TRAK2: variants seen among roughly 807,000 people sequenced by gnomAD.
The protein encoded by TRAK2 is trafficking kinesin protein 2.
In TRAK2, 81 loss-of-function variants were observed where a neutral mutation model predicts 104.6. The ratio of observed to expected loss-of-function variants is 0.77; its 90% CI spans 0.65 to 0.93. The LOEUF (loss-of-function observed/expected upper bound fraction) is 0.93. Among genes scored for constraint, TRAK2 ranks in the 40% least tolerant of loss-of-function variants. The probability of loss-of-function intolerance (pLI) is 0.00; values close to 1 mark genes in which losing one functional copy is unlikely to be tolerated. For missense variants in TRAK2, 1,002 were observed against 1,089.0 expected (o/e 0.92, Z 1.12); for synonymous variants, 406 against 394.4 (o/e 1.03, Z -0.35).
chr2:201,443,224 G>C (rs1264862818), intron 1 of TRAK2, among the ~76,000 whole-genome samples: 2 of 151,998 alleles, frequency 1.3e-5, no homozygotes, highest in Non-Finnish European at 2.9e-5. Context: ...ACTACAACCT[G>C]ATTTCATCCT....
chr2:201,387,904 CACTT>C lies in TRAK2; in HGVS notation c.1491_1494del (p.Ser498ArgfsTer112). 1.2e-6 allele frequency: 2 copies of C among 1,614,162 alleles called. No individual in the cohort carries two copies. The highest frequency in any genetic ancestry group is 1.7e-6 in the Non-Finnish European group (2 of 1,180,022). On this transcript the variant is annotated frameshift_variant, in exon 13 of 16. Transcript: ENST00000332624. LOFTEE classifies it high-confidence loss of function. Reference sequence around the variant, plus strand: ...CATTCTTCAGCAAAGAACTGCTTCTCACTTAAATAGTTTTGTCGACGCAAGCTAA... The same window carrying C: ...CATTCTTCAGCAAAGAACTGCTTCTCAAATAGTTTTGTCGACGCAAGCTAA...
Position 201,380,274 on chromosome 2 carries a change from C to A in TRAK2, c.*269G>T. ...TTTATTTGTATTCACTTTTTATGTT[C>A]AAGACAAGAAAACTCAACTGAAGGA... is the stretch of plus-strand genomic sequence containing the variant. On this transcript the variant is annotated 3_prime_UTR_variant, in exon 16 of 16. Transcript: ENST00000332624. 1 of 473,108 alleles carries A rather than the reference C, an allele frequency of 2.1e-6. No homozygotes were observed. The highest frequency in any genetic ancestry group is 3.1e-5 in the South Asian group (1 of 32,050). 29.3% of individuals were successfully genotyped at this position (473,108 alleles called of 1,614,324 possible). A position where few individuals can be genotyped will look rare whatever the true frequency, so the allele number is the denominator to read the frequency against.
chr2:201,384,702 T>C (rs1951372717), intron 14 of TRAK2, among the ~76,000 whole-genome samples: 2 of 152,206 alleles, frequency 1.3e-5, no homozygotes. Context: ...CAAGGCAATA[T>C]CACCAAGTTG....
rs557216093 is a variant in TRAK2 at position 201,377,533 on chromosome 2, C to G, written c.*3010G>C. ...GTAACCACCAAGTACTAATTCTGTACTAAAATGGTCAGAAAAGATAACAAG... is the reference window on the plus strand; with the variant it reads ...GTAACCACCAAGTACTAATTCTGTAGTAAAATGGTCAGAAAAGATAACAAG... On this transcript the variant is annotated 3_prime_UTR_variant, in exon 16 of 16. Transcript: ENST00000332624. 4 of 152,404 alleles carry G rather than the reference C, an allele frequency of 2.6e-5. No individual in the cohort carries two copies. The highest frequency in any genetic ancestry group is 9.7e-5 in the African/African-American group (4 of 41,426). 9.4% of individuals were successfully genotyped at this position (152,404 alleles called of 1,614,324 possible). A position where few individuals can be genotyped will look rare whatever the true frequency, so the allele number is the denominator to read the frequency against.
intron 1 of TRAK2, among the ~76,000 whole-genome samples, chr2:201,435,374 A>T (rs537988473): frequency 6.6e-6 from 1 of 152,328 alleles, no homozygotes; most frequent in South Asian, 2.1e-4. Flanking sequence ...TATTTCTTTA[A>T]AAGAAAGAGC....
intron 1 of TRAK2, among the ~76,000 whole-genome samples, chr2:201,422,755 C>T (rs1285916119): frequency 6.6e-6 from 1 of 151,978 alleles, no homozygotes; most frequent in African/African-American, 2.4e-5. Context: ...AGATTGGATC[C>T]AAAGACAAGC....
chr2:201,428,588 G>T (rs1215640840), intron 1 of TRAK2, among the ~76,000 whole-genome samples: 2 of 152,204 alleles, frequency 1.3e-5, no homozygotes, highest in African/African-American at 4.8e-5. Context: ...AATATAGTTT[G>T]AAGTCAGGTA....
chr2:201,394,658 A>T, intron 9 of TRAK2, 140 bp downstream of exon 9: 1 of 754,586 alleles, frequency 1.3e-6, no homozygotes, highest in South Asian at 1.9e-5. Context: ...TTTACTTCTT[A>T]GATCTCATAA....
At chr2:201,434,698 TCAA>T (rs1951869038) in intron 1 of TRAK2, among the ~76,000 whole-genome samples, 1 of 152,238 alleles carries the variant, frequency 6.6e-6, no homozygotes. Context: ...ATAAGCAATA[TCAA>T]CATGTTTTCA....
chr2:201,447,311 C>A lies in TRAK2; in HGVS notation c.-200+4039G>T, dbSNP rs1234560371. On this transcript the variant is annotated intron_variant, in intron 1 of 15. Transcript: ENST00000332624. The surrounding 1 kb of genome is among the most constrained non-coding windows in gnomAD (Gnocchi z 4.1). ...TCACCAAAAAACCTCAATCACCTAA[C>A]CACAGCTTAAAGGCTTTTTGTATGT... Among the ~76,000 whole-genome samples, 1 of 152,174 alleles carries A rather than the reference C, an allele frequency of 6.6e-6. No individual in the cohort carries two copies. The highest frequency in any genetic ancestry group is 1.5e-5 in the Non-Finnish European group (1 of 68,022).
At chr2:201,446,354 T>G (rs1311232508) in intron 1 of TRAK2, among the ~76,000 whole-genome samples, 2 of 152,206 alleles carry the variant, frequency 1.3e-5, no homozygotes, top group African/African-American at 4.8e-5. Context: ...ATTCTAGCCA[T>G]GCTTCCCACA....
chr2:201,412,588 C>A, intron 2 of TRAK2: 1 of 1,436,650 alleles, frequency 7.0e-7, no homozygotes. Context: ...TGTTTCACAG[C>A]TCACATAAAG....
At chr2:201,432,309 T>C (rs1951848706) in intron 1 of TRAK2, among the ~76,000 whole-genome samples, 1 of 152,212 alleles carries the variant, frequency 6.6e-6, no homozygotes, top group African/African-American at 2.4e-5. Flanking sequence ...CAAACACAAA[T>C]GACACATTTT....
chr2:201,429,219 TGA>T (rs960544749), intron 1 of TRAK2, among the ~76,000 whole-genome samples: 23 of 152,298 alleles, frequency 1.5e-4, no homozygotes, highest in Non-Finnish European at 3.2e-4. Context: ...ATAGGAGTGG[TGA>T]GAGAGGGCAT....
chr2:201,381,273 C>A, intron 15 of TRAK2, 55 bp from the exon 16 acceptor site: 1 of 1,477,432 alleles, frequency 6.8e-7, no homozygotes. Flanking sequence ...AAAGCAAGCT[C>A]CAAGCTGGCA....
intron 1 of TRAK2, among the ~76,000 whole-genome samples, chr2:201,426,634 A>G (rs1951791072): frequency 6.6e-6 from 1 of 152,196 alleles, no homozygotes; most frequent in South Asian, 2.1e-4. Flanking sequence ...TTAATGGTTT[A>G]GTCTTAATTC....
intron 7 of TRAK2, among the ~76,000 whole-genome samples, chr2:201,395,770 G>A (rs1389439565): frequency 1.3e-5 from 2 of 152,166 alleles, no homozygotes; most frequent in Non-Finnish European, 2.9e-5. Context: ...AGGAAAGAAG[G>A]CTGAAAGGAG....
chr2:201,392,941 A>G lies in TRAK2; in HGVS notation c.1081T>C (p.Tyr361His). 6.2e-7 allele frequency: 1 copy of G among 1,613,650 alleles called. No individual in the cohort carries two copies. The highest frequency in any genetic ancestry group is 8.5e-7 in the Non-Finnish European group (1 of 1,179,804). The change falls in exon 10 of 16, where the codon TAC (tyrosine) becomes CAC (histidine). Residue 361 changes from tyrosine (Y) to histidine (H), a missense_variant. Coordinates refer to ENST00000332624, the MANE Select transcript of TRAK2 (RefSeq NM_015049.3). ...AAAGCTCCATATGATTGGGAGAAGT[A>G]GAGATGAGCAGTAGGGCCAGATCTA... The part of the protein sequence containing the change: ...RSRSGPTAHL[Y>H]FSQSYGAFTG...
In TRAK2 at chr2:201,395,421, T is replaced by C; in HGVS notation, c.793A>G (p.Arg265Gly). Residue 265 changes from arginine to glycine, a missense_variant, in exon 8 of 16, where the codon AGA (arginine) becomes GGA (glycine). Transcript: ENST00000332624. ...TTCCCTGACAATTCTTCAGTCATTC[T>C]GGACATCTGAGCATTTGTTTCACCT... ...ELRETNAQMS[R>G]MTEELSGKSD... is the part of the protein sequence containing the mutation. 1.3e-6 allele frequency: 2 copies of C among 1,568,154 alleles called. No individual in the cohort carries two copies. The highest frequency in any genetic ancestry group is 1.7e-6 in the Non-Finnish European group (2 of 1,148,486).
Sources: allele counts gnomAD v4.1 joint callset (sites outside exome capture counted in the v4.1 genomes callset), GRCh38; gene constraint gnomAD v4.1.1; non-coding constraint Gnocchi (gnomAD v3.1); transcripts MANE v1.5; gene names NCBI Gene and HGNC (gene_info 2026-07-23, HGNC 2026-07-21).